CMTM4: variants seen among roughly 807,000 people sequenced by gnomAD.
CMTM4 encodes the protein CKLF like MARVEL transmembrane domain containing 4.
CMTM4 carries 8 observed loss-of-function variants against 19.0 expected under a neutral mutation model. The observed-to-expected ratio is 0.42, with a 90% confidence interval of 0.25 to 0.76. The LOEUF (loss-of-function observed/expected upper bound fraction) is 0.76. Ranked by LOEUF, CMTM4 falls within the 30% of genes least tolerant of loss-of-function variation. The pLI, the probability that CMTM4 is intolerant of heterozygous loss-of-function variation, is 0.27. For missense variants in CMTM4, 228 were observed against 290.2 expected (o/e 0.79, Z 1.56); for synonymous variants, 106 against 121.1 (o/e 0.88, Z 0.82).
chr16:66,652,322 TG>T, intron 1 of CMTM4, among the ~76,000 whole-genome samples: 1 of 152,238 alleles, frequency 6.6e-6, no homozygotes, highest in East Asian at 1.9e-4. Context: ...CCACTCTAAG[TG>T]GTGCTTACCG....
At chr16:66,662,365 C>T (rs1003313964) in intron 1 of CMTM4, among the ~76,000 whole-genome samples, 1 of 152,170 alleles carries the variant, frequency 6.6e-6, no homozygotes, top group African/African-American at 2.4e-5. Context: ...AGCCTCAAAC[C>T]CAGAAAAACC....
At chr16:66,626,372 G>T (rs977644594) in intron 2 of CMTM4, among the ~76,000 whole-genome samples, 1 of 152,228 alleles carries the variant, frequency 6.6e-6, no homozygotes, top group Non-Finnish European at 1.5e-5. Flanking sequence ...GGGAGGCCAA[G>T]GTGAGTGGAC....
intron 2 of CMTM4, among the ~76,000 whole-genome samples, chr16:66,631,579 T>C (rs968624479): frequency 6.6e-6 from 1 of 152,236 alleles, no homozygotes; most frequent in African/African-American, 2.4e-5. Context: ...CATTTTGTTC[T>C]GTACTAAGAA....
At chr16:66,672,965 A>T (rs2016739115) in intron 1 of CMTM4, among the ~76,000 whole-genome samples, 1 of 125,408 alleles carries the variant, frequency 8.0e-6, no homozygotes, top group Non-Finnish European at 1.6e-5. Context: ...CTCCCATCAC[A>T]GTGGTGCAAT....
At chr16:66,678,094 T>C (rs141390450) in intron 1 of CMTM4, among the ~76,000 whole-genome samples, 6 of 152,276 alleles carry the variant, frequency 3.9e-5, no homozygotes, top group Non-Finnish European at 7.4e-5. Context: ...AGGAGATCAC[T>C]TGAGCCCAGG....
At chr16:66,671,032 G>A (rs1010246291) in intron 1 of CMTM4, among the ~76,000 whole-genome samples, 2 of 152,008 alleles carry the variant, frequency 1.3e-5, no homozygotes, top group South Asian at 2.1e-4. Flanking sequence ...TAAAACAAGG[G>A]ACACAAATTT....
In CMTM4 at chr16:66,621,803, G is replaced by A; in HGVS notation, c.*255C>T. Reference sequence around the variant, plus strand: ...GAGTCAAAGGAAGCCTGTGCTTCAGGGCAGGTAAGACCTCAAGTGGACCTG... The same window carrying A: ...GAGTCAAAGGAAGCCTGTGCTTCAGAGCAGGTAAGACCTCAAGTGGACCTG... On this transcript the variant is annotated 3_prime_UTR_variant, in exon 4 of 4. Transcript: ENST00000394106. 1 of 1,302,168 alleles carries A rather than the reference G, an allele frequency of 7.7e-7. No homozygotes were observed. The highest frequency in any genetic ancestry group is 3.2e-5 in the Admixed American group (1 of 30,784). The allele number at this position is 1,302,168 out of a possible 1,614,324, so 80.7% of individuals were successfully genotyped here. A position where few individuals can be genotyped will look rare whatever the true frequency, so the allele number is the denominator to read the frequency against.
chr16:66,673,024 C>T (rs2016740507), intron 1 of CMTM4, among the ~76,000 whole-genome samples: 1 of 150,724 alleles, frequency 6.6e-6, no homozygotes, highest in Admixed American at 6.6e-5. Context: ...ATTCTCCTGC[C>T]CCCGCCTCCC....
intron 1 of CMTM4, among the ~76,000 whole-genome samples, chr16:66,649,600 C>G (rs2016273700): frequency 6.6e-6 from 1 of 152,086 alleles, no homozygotes; most frequent in Non-Finnish European, 1.5e-5. Flanking sequence ...CACCTGGTGT[C>G]CTGCAGACTC....
intron 2 of CMTM4, among the ~76,000 whole-genome samples, chr16:66,634,101 TC>T (rs2015939788): frequency 6.6e-6 from 1 of 152,040 alleles, no homozygotes; most frequent in Non-Finnish European, 1.5e-5. Flanking sequence ...GGAAAATCTT[TC>T]ATGATTAAAA....
chr16:66,621,520 A>T lies in CMTM4; in HGVS notation c.*538T>A. On this transcript the variant is annotated 3_prime_UTR_variant, in exon 4 of 4. Coordinates refer to ENST00000394106, the MANE Select transcript of CMTM4 (RefSeq NM_181521.3). ...GGTCCCTGGGAGCCATCCTAACAGG[A>T]CATCAGCTTTCCCCAGCCCTGTGGC... The T allele has an allele frequency of 6.1e-6, 6 of 986,726 alleles. No individual in the cohort carries two copies. The highest frequency in any genetic ancestry group is 6.0e-6 in the Non-Finnish European group (5 of 830,518). The allele number at this position is 986,726 out of a possible 1,614,324, so 61.1% of individuals were successfully genotyped here. A position where few individuals can be genotyped will look rare whatever the true frequency, so the allele number is the denominator to read the frequency against.
At chr16:66,643,383 A>G (rs2016131933) in intron 1 of CMTM4, among the ~76,000 whole-genome samples, 1 of 152,232 alleles carries the variant, frequency 6.6e-6, no homozygotes, top group Non-Finnish European at 1.5e-5. Context: ...CTCATCTGAC[A>G]TTATGACAAT....
At chr16:66,629,214 C>A (rs1439213208) in intron 2 of CMTM4, among the ~76,000 whole-genome samples, 3 of 152,156 alleles carry the variant, frequency 2.0e-5, no homozygotes, top group Non-Finnish European at 4.4e-5. Flanking sequence ...CTGGTTGGCC[C>A]CCAAACCAAT....
chr16:66,604,656 GGGGGC>G, the CMTM4 span: 6 of 552,452 alleles, frequency 1.1e-5, no homozygotes, highest in Admixed American at 9.4e-5. Flanking sequence ...AGGAGCGGGT[GGGGGC>G]GGGGCGGGGC....
chr16:66,649,117 C>G (rs1031748212), intron 1 of CMTM4, among the ~76,000 whole-genome samples: 3 of 152,186 alleles, frequency 2.0e-5, no homozygotes, highest in African/African-American at 7.2e-5. Flanking sequence ...GCAGGAGGAT[C>G]GCCTGTGCCC....
rs914273279 is a variant in CMTM4 at position 66,622,700 on chromosome 16, G to A, written c.463-478C>T. 6.6e-6 allele frequency among the ~76,000 whole-genome samples: 1 copy of A among 152,188 alleles called. No individual in the cohort carries two copies. The highest frequency in any genetic ancestry group is 2.4e-5 in the African/African-American group (1 of 41,438). On this transcript the variant is annotated intron_variant, in intron 3 of 3. Coordinates refer to ENST00000394106, the MANE Select transcript of CMTM4 (RefSeq NM_181521.3). The surrounding 1 kb of genome is among the most constrained non-coding windows in gnomAD (Gnocchi z 4.0). ...GTTTCGCATGTGGGTCCCAAATCAAGCCACAGGGCCAATGTTCCACATCAC... is the reference window on the plus strand; with the variant it reads ...GTTTCGCATGTGGGTCCCAAATCAAACCACAGGGCCAATGTTCCACATCAC...
At chr16:66,607,908 G>C in the CMTM4 span, among the ~76,000 whole-genome samples, 1 of 151,704 alleles carries the variant, frequency 6.6e-6, no homozygotes, top group Non-Finnish European at 1.5e-5. Context: ...GCAGTGGCCT[G>C]ATCACAGCTC....
intron 1 of CMTM4, among the ~76,000 whole-genome samples, chr16:66,639,595 G>A (rs1179569025): frequency 6.6e-6 from 1 of 152,210 alleles, no homozygotes; most frequent in Non-Finnish European, 1.5e-5. Context: ...ACAGAGACCA[G>A]GAAGAGTGGC....
chr16:66,623,684 A>G (rs1338417029), intron 2 of CMTM4, among the ~76,000 whole-genome samples, 182 bp from the exon 3 acceptor site: 1 of 152,214 alleles, frequency 6.6e-6, no homozygotes, highest in Non-Finnish European at 1.5e-5. Context: ...AGTTTATGAC[A>G]CTACTTGATA....
Sources: allele counts gnomAD v4.1 joint callset (sites outside exome capture counted in the v4.1 genomes callset), GRCh38; gene constraint gnomAD v4.1.1; non-coding constraint Gnocchi (gnomAD v3.1); transcripts MANE v1.5; gene names NCBI Gene and HGNC (gene_info 2026-07-23, HGNC 2026-07-21).